FSTL5: variants seen among roughly 807,000 people sequenced by gnomAD.
FSTL5 encodes follistatin-related protein 5.
In FSTL5, 62 loss-of-function variants were observed where a neutral mutation model predicts 89.1. The ratio of observed to expected loss-of-function variants is 0.70; its 90% CI spans 0.57 to 0.86. The LOEUF is 0.86. FSTL5 is among the 40% of genes least tolerant of loss of function. The pLI is 0.00. For synonymous variants in FSTL5, 383 were observed against 346.2 expected (o/e 1.11, Z -1.18); for missense variants, 1,057 against 1,001.6 (o/e 1.06, Z -0.75).
Position 161,386,318 on chromosome 4 carries a change from C to A in FSTL5, c.1973G>T (p.Gly658Val). 1.2e-6 allele frequency: 2 copies of A among 1,613,880 alleles called. No homozygotes were observed. The highest frequency in any genetic ancestry group is 1.7e-6 in the Non-Finnish European group (2 of 1,179,938). The change falls in exon 16 of 16, where the codon GGA becomes GTA. Residue 658 changes from glycine to valine, a missense_variant. By Grantham distance (109) the Gly-to-Val change is moderately radical. Transcript: ENST00000306100. The stretch of plus-strand genomic sequence containing the variant: ...TTTGCAGCCAATGAAGTAGTAGCCT[C>A]CCAAGTGTGTATATGCCAATGACTG... Reference protein sequence around the residue: ...VPQSLAYTHLGGYYFIGCKPD... With the variant: ...VPQSLAYTHLVGYYFIGCKPD...
intron 10 of FSTL5, among the ~76,000 whole-genome samples, chr4:161,525,830 T>A (rs1032050163): frequency 4.6e-5 from 7 of 152,198 alleles, no homozygotes; most frequent in African/African-American, 1.7e-4. Flanking sequence ...TTTTGACTTT[T>A]GGTATTATAG....
At chr4:161,648,737 A>T (rs1578994203) in intron 7 of FSTL5, among the ~76,000 whole-genome samples, 1 of 152,220 alleles carries the variant, frequency 6.6e-6, no homozygotes, top group Admixed American at 6.5e-5. Flanking sequence ...TGACACATAC[A>T]ATCTATGCAC....
At chr4:161,546,256 T>C (rs917630434) in intron 8 of FSTL5, among the ~76,000 whole-genome samples, 1 of 148,434 alleles carries the variant, frequency 6.7e-6, no homozygotes, top group Non-Finnish European at 1.5e-5. Flanking sequence ...TAGAATAGAT[T>C]AAGAATACTA....
chr4:161,628,084 C>T lies in FSTL5; in HGVS notation c.894+28244G>A, dbSNP rs192960697. Among the ~76,000 whole-genome samples the T allele has an allele frequency of 3.3e-5, 5 of 152,098 alleles. No homozygotes were observed. The East Asian group carries it at 7.7e-4, about 24-fold the overall frequency. On this transcript the variant is annotated intron_variant, in intron 7 of 15. Transcript: ENST00000306100. ...TGCTTTCCTTTTGGTTAAATAAGTC[C>T]CCGAGCCTCAGTTTTCTCAGACATA... is the stretch of plus-strand genomic sequence containing the variant.
intron 6 of FSTL5, among the ~76,000 whole-genome samples, chr4:161,667,639 G>A (rs1736949351): frequency 6.6e-6 from 1 of 152,010 alleles, no homozygotes; most frequent in African/African-American, 2.4e-5. Flanking sequence ...CATTTGCTAA[G>A]GATTTTTCAA....
At chr4:162,153,832 T>G (rs1733362819) in intron 1 of FSTL5, among the ~76,000 whole-genome samples, 2 of 146,170 alleles carry the variant, frequency 1.4e-5, no homozygotes, top group South Asian at 4.3e-4. Flanking sequence ...TTAGACGGAC[T>G]TTCACTCTTG....
intron 2 of FSTL5, among the ~76,000 whole-genome samples, chr4:162,066,293 C>A (rs186935992): frequency 3.6e-5 from 4 of 109,926 alleles, no homozygotes; most frequent in African/African-American, 1.4e-4. Context: ...TCCTCCTCCT[C>A]CTACTTTTCT....
At chr4:161,525,093 T>C (rs1480918683) in intron 10 of FSTL5, among the ~76,000 whole-genome samples, 1 of 152,294 alleles carries the variant, frequency 6.6e-6, no homozygotes, top group African/African-American at 2.4e-5. Flanking sequence ...TGTTTCTGTG[T>C]CTGCAGTCTC....
chr4:161,562,296 T>C (rs1485145698), intron 8 of FSTL5, among the ~76,000 whole-genome samples: 1 of 152,002 alleles, frequency 6.6e-6, no homozygotes, highest in African/African-American at 2.4e-5. Context: ...ACACGCAGGA[T>C]GATTTTGACA....
rs540521110 is a variant in FSTL5, at chr4:161,930,703, TA to T, written c.161-10052del. Among the ~76,000 whole-genome samples, 11 of 151,996 alleles carry T rather than the reference TA, an allele frequency of 7.2e-5. No homozygotes were observed. In the South Asian group the frequency reaches 1.2e-3, roughly 17 times the overall value. On this transcript the variant is annotated intron_variant, in intron 3 of 15. Coordinates refer to ENST00000306100, the MANE Select transcript of FSTL5 (RefSeq NM_020116.5). ...ATGCAAAGCGCTCTATCTATGCTCGTAAACTCATTTGCTTCAACTCTCTACC... is the reference window on the plus strand; with the variant it reads ...ATGCAAAGCGCTCTATCTATGCTCGTAACTCATTTGCTTCAACTCTCTACC...
chr4:161,932,074 A>G (rs1031998293), intron 3 of FSTL5, among the ~76,000 whole-genome samples: 1 of 152,014 alleles, frequency 6.6e-6, no homozygotes, highest in African/African-American at 2.4e-5. Flanking sequence ...ATTTGAATAG[A>G]TAAAAAGCAG....
At chr4:162,001,565 T>C (rs1397347909) in intron 3 of FSTL5, among the ~76,000 whole-genome samples, 5 of 151,626 alleles carry the variant, frequency 3.3e-5, no homozygotes, top group Non-Finnish European at 7.4e-5. Context: ...TTGGATAACA[T>C]ACATAAAGTG....
intron 7 of FSTL5, among the ~76,000 whole-genome samples, chr4:161,623,030 A>G (rs1735197276): frequency 6.6e-6 from 1 of 152,078 alleles, no homozygotes; most frequent in African/African-American, 2.4e-5. Flanking sequence ...AAAGTCATAA[A>G]CTATCTCAAT....
At chr4:161,595,637 A>G (rs1733988557) in intron 7 of FSTL5, among the ~76,000 whole-genome samples, 1 of 152,082 alleles carries the variant, frequency 6.6e-6, no homozygotes. Context: ...TAAGAGTAAC[A>G]AAACATTTAA....
chr4:161,783,606 CTT>C (rs1239302598), intron 4 of FSTL5, among the ~76,000 whole-genome samples: 1 of 143,282 alleles, frequency 7.0e-6, no homozygotes, highest in African/African-American at 2.6e-5. Flanking sequence ...GCCTTTCTTT[CTT>C]TCTTTCTCTT....
chr4:161,869,390 G>A (rs143273765), intron 4 of FSTL5, among the ~76,000 whole-genome samples: 3 of 152,124 alleles, frequency 2.0e-5, no homozygotes, highest in Non-Finnish European at 2.9e-5. Context: ...CTAGTTGTGC[G>A]ATCACAAATA....
At chr4:161,580,714 C>T (rs967252586) in intron 8 of FSTL5, among the ~76,000 whole-genome samples, 2 of 152,168 alleles carry the variant, frequency 1.3e-5, no homozygotes, top group Non-Finnish European at 2.9e-5. Flanking sequence ...AACTCCCTGG[C>T]ATATTAGGGC....
intron 4 of FSTL5, among the ~76,000 whole-genome samples, chr4:161,796,297 A>G (rs1208269454): frequency 6.6e-6 from 1 of 151,878 alleles, no homozygotes; most frequent in Admixed American, 6.6e-5. Flanking sequence ...GTTCTCAAAC[A>G]GAAAGATGAA....
chr4:161,920,681 G>T (rs201050351), intron 3 of FSTL5, 29 bp from the exon 4 acceptor site: 6 of 1,585,762 alleles, frequency 3.8e-6, no homozygotes, highest in Middle Eastern at 1.7e-4. Flanking sequence ...ATTGAAAATC[G>T]TTTGGTTCAT....
Sources: allele counts gnomAD v4.1 joint callset (sites outside exome capture counted in the v4.1 genomes callset), GRCh38; gene constraint gnomAD v4.1.1; transcripts MANE v1.5; gene names NCBI Gene and HGNC (gene_info 2026-07-23, HGNC 2026-07-21).